Variants in ANKRD42 observed in about 807,000 individuals in gnomAD.
ANKRD42 encodes ankyrin repeat domain-containing protein 42.
In ANKRD42, 43 loss-of-function variants were observed where a neutral mutation model predicts 51.5. The observed-to-expected ratio is 0.83, with a 90% confidence interval of 0.65 to 1.08. ANKRD42 has a LOEUF of 1.08. ANKRD42 is among the 50% of genes least tolerant of loss of function. The pLI is 0.00. For synonymous variants in ANKRD42, 203 were observed against 213.0 expected, an observed-to-expected ratio of 0.95 and a Z score of 0.41; for missense variants, 608 against 629.3, an observed-to-expected ratio of 0.97 and a Z score of 0.36.
intron 9 of ANKRD42, among the ~76,000 whole-genome samples, chr11:83,242,195 G>GA (rs1863405782): frequency 6.6e-6 from 1 of 151,982 alleles, no homozygotes; most frequent in African/African-American, 2.4e-5. Flanking sequence ...CCTGGTTCTT[G>GA]AAAAAAATCA....
intron 5 of ANKRD42, among the ~76,000 whole-genome samples, chr11:83,220,769 TTA>T (rs1270466716): frequency 6.6e-6 from 1 of 152,284 alleles, no homozygotes; most frequent in East Asian, 1.9e-4. Context: ...TGGGGCACCT[TTA>T]TATGTTATTC....
Position 83,211,450 on chromosome 11 carries a change from T to C in ANKRD42, c.586+20T>C. ...TTCCAGGTATTTTAAATAAAGCAAA[T>C]ATTTTAGTTTTTCATTGATGTAAAC... On this transcript the variant is annotated intron_variant, in intron 5 of 10. Transcript: ENST00000533342. 6.2e-7 allele frequency: 1 copy of C among 1,610,676 alleles called. No individual in the cohort carries two copies. The highest frequency in any genetic ancestry group is 2.2e-5 in the East Asian group (1 of 44,850).
At chr11:83,212,951 A>G in intron 5 of ANKRD42, 1 of 1,538,490 alleles carries the variant, frequency 6.5e-7, no homozygotes, top group Non-Finnish European at 8.6e-7. Flanking sequence ...AAAAACAAAA[A>G]GCCCCTCTCT....
At chr11:83,236,584 C>T (rs1863232251) in intron 8 of ANKRD42, 75 bp downstream of exon 8, 1 of 1,181,136 alleles carries the variant, frequency 8.5e-7, no homozygotes, top group African/African-American at 1.6e-5. Flanking sequence ...ACTCAAAAAT[C>T]TCTGAAGTTT....
At chr11:83,230,874 C>A (rs1863049181) in intron 7 of ANKRD42, among the ~76,000 whole-genome samples, 1 of 152,216 alleles carries the variant, frequency 6.6e-6, no homozygotes, top group East Asian at 1.9e-4. Flanking sequence ...GTGTGAAACA[C>A]TGCGCCCAGC....
intron 2 of ANKRD42, among the ~76,000 whole-genome samples, chr11:83,202,988 ATTTTT>A (rs750379636): frequency 8.4e-6 from 1 of 118,988 alleles, no homozygotes; most frequent in Non-Finnish European, 1.8e-5. Context: ...TGTTGGTTGG[ATTTTT>A]TTTTTTTTTT....
chr11:83,243,216 T>C (rs1000606941), intron 9 of ANKRD42, among the ~76,000 whole-genome samples: 1 of 152,230 alleles, frequency 6.6e-6, no homozygotes, highest in Non-Finnish European at 1.5e-5. Flanking sequence ...TGCATTTCTC[T>C]AATGATTCCT....
At chr11:83,202,169 A>G (rs1476931874) in intron 2 of ANKRD42, among the ~76,000 whole-genome samples, 1 of 152,188 alleles carries the variant, frequency 6.6e-6, no homozygotes, top group Non-Finnish European at 1.5e-5. Context: ...TAATTTTTAT[A>G]TAAGGCTTAA....
chr11:83,193,781 A>T lies in ANKRD42; in HGVS notation c.-890A>T, dbSNP rs1161696970. On this transcript the variant is annotated 5_prime_UTR_variant, in exon 1 of 11. Coordinates refer to ENST00000533342, the MANE Select transcript of ANKRD42 (RefSeq NM_001300975.2). Reference sequence around the variant, plus strand: ...GCTGGAGTCGGGAGGCTGGAAAGAGACTCCGAGAAAGTACCAGCGGAAGGC... The same window carrying T: ...GCTGGAGTCGGGAGGCTGGAAAGAGTCTCCGAGAAAGTACCAGCGGAAGGC... 4.4e-6 allele frequency: 2 copies of T among 449,504 alleles called. No homozygotes were observed. Among genetic ancestry groups the T allele is most frequent in the African/African-American group, 2.0e-5 (1 of 49,408 alleles). 27.8% of individuals were successfully genotyped at this position (449,504 alleles called of 1,614,324 possible). A position where few individuals can be genotyped will look rare whatever the true frequency, so the allele number is the denominator to read the frequency against.
rs1195343608 is a variant in ANKRD42 at position 83,224,245 on chromosome 11, T to C, written c.587-610T>C. Among the ~76,000 whole-genome samples, 7 of 152,294 alleles carry C rather than the reference T, an allele frequency of 4.6e-5. No homozygotes were observed. In the East Asian group the frequency reaches 5.8e-4, roughly 13 times the overall value. ...GTGATAAAATATTATAATGTTCTTA[T>C]TTGCAGAGTGACTATTGGTTTATTT... is the stretch of plus-strand genomic sequence containing the variant. On this transcript the variant is annotated intron_variant, in intron 5 of 10. Coordinates refer to ENST00000533342, the MANE Select transcript of ANKRD42 (RefSeq NM_001300975.2).
At chr11:83,263,051 G>A (rs921338334), downstream of ANKRD42, among the ~76,000 whole-genome samples, 16 of 151,970 alleles carry the variant, frequency 1.1e-4, no homozygotes, top group African/African-American at 3.9e-4. Flanking sequence ...CAGTGGAGCC[G>A]GGATTTAAGA....
At chr11:83,239,004 C>CA (rs58315284) in intron 8 of ANKRD42, among the ~76,000 whole-genome samples, 105,344 of 149,084 alleles carry the variant, frequency 0.71, 37,829 homozygotes, top group Middle Eastern at 0.83. Context: ...GCTAGACCCT[C>CA]AAAAAAAAAA....
At chr11:83,218,623 A>G (rs1206356316) in intron 5 of ANKRD42, among the ~76,000 whole-genome samples, 1 of 152,198 alleles carries the variant, frequency 6.6e-6, no homozygotes, top group Non-Finnish European at 1.5e-5. Flanking sequence ...TTCTCATCCT[A>G]CTGTTTGTGA....
chr11:83,264,072 A>G (rs1313768413), downstream of ANKRD42, among the ~76,000 whole-genome samples: 1 of 152,234 alleles, frequency 6.6e-6, no homozygotes, highest in African/African-American at 2.4e-5. Flanking sequence ...ATATAGAAAT[A>G]CTAGCACAGG....
At chr11:83,216,998 C>G (rs182661899) in intron 5 of ANKRD42, among the ~76,000 whole-genome samples, 1 of 141,704 alleles carries the variant, frequency 7.1e-6, no homozygotes, top group Middle Eastern at 3.4e-3. Context: ...TTAGGCCAGT[C>G]GGAGACCAAC....
At chr11:83,230,258 GC>G (rs1360503846) in intron 7 of ANKRD42, among the ~76,000 whole-genome samples, 6 of 152,026 alleles carry the variant, frequency 3.9e-5, no homozygotes, top group African/African-American at 1.4e-4. Context: ...TTGCCATGTT[GC>G]CCAGGCTGGC....
chr11:83,252,650 T>A (rs893049142), downstream of ANKRD42, among the ~76,000 whole-genome samples: 1 of 152,066 alleles, frequency 6.6e-6, no homozygotes, highest in African/African-American at 2.4e-5. Context: ...ATAAATCAAG[T>A]CAGTAGTGCC....
chr11:83,242,360 G>T (rs527887865), intron 9 of ANKRD42, among the ~76,000 whole-genome samples: 1 of 152,218 alleles, frequency 6.6e-6, no homozygotes, highest in East Asian at 1.9e-4. Context: ...CAGTTAGGGG[G>T]CTATCGCTAT....
Position 83,210,416 on chromosome 11 carries a change from A to T in ANKRD42, c.447A>T (p.Gly149=). 1 of 1,613,746 alleles carries T rather than the reference A, an allele frequency of 6.2e-7. No homozygotes were observed. Among genetic ancestry groups the T allele is most frequent in the Non-Finnish European group, 8.5e-7 (1 of 1,179,756 alleles). Residue 149 remains glycine (G), a synonymous_variant, in exon 4 of 11, where the codon GGA becomes GGT. Transcript: ENST00000533342. ...SFTLQIMLRS[G]VDPSVTDKRE... ...CTTTACAAATAATGCTCCGAAGTGG[A>T]GTGGTGAGTGACTCCTGTTAATATG...
Sources: gnomAD v4.1 joint callset for allele counts (sites outside exome capture counted in the v4.1 genomes callset) on GRCh38, gnomAD v4.1.1 for gene constraint, MANE v1.5 for transcripts, NCBI Gene and HGNC (gene_info 2026-07-23, HGNC 2026-07-21) for gene names.